The following OCA2 variants were observed in gnomAD, a reference collection of about 807,000 sequenced individuals.
OCA2 encodes OCA2 melanosomal transmembrane protein.
OCA2 carries 77 observed loss-of-function variants against 100.2 expected under a neutral mutation model. The ratio of observed to expected loss-of-function variants is 0.77; its 90% CI spans 0.64 to 0.93. OCA2 has a LOEUF of 0.93. OCA2 is among the 40% of genes least tolerant of loss of function. The probability of loss-of-function intolerance (pLI) is 0.00; values close to 1 mark genes in which losing one functional copy is unlikely to be tolerated. For synonymous variants in OCA2, 432 were observed against 439.2 expected, an observed-to-expected ratio of 0.98 and a Z score of 0.21; for missense variants, 1,062 against 1,089.1, an observed-to-expected ratio of 0.98 and a Z score of 0.35.
intron 23 of OCA2, among the ~76,000 whole-genome samples, chr15:27,831,840 G>A (rs530842736): frequency 3.3e-5 from 5 of 152,252 alleles, no homozygotes; most frequent in East Asian, 1.9e-4. Flanking sequence ...CCACCCAAGC[G>A]AATTTGATTG....
At chr15:27,788,578 C>T (rs987622614) in intron 23 of OCA2, among the ~76,000 whole-genome samples, 2 of 151,916 alleles carry the variant, frequency 1.3e-5, no homozygotes, top group African/African-American at 2.4e-5. Flanking sequence ...TCAGGCTATT[C>T]GTATTTTTAG....
At chr15:27,780,120 A>G (rs1280812060) in intron 23 of OCA2, among the ~76,000 whole-genome samples, 2 of 152,190 alleles carry the variant, frequency 1.3e-5, no homozygotes, top group Non-Finnish European at 1.5e-5. Flanking sequence ...TCTGATCCCT[A>G]CATGCTCAAT....
chr15:28,054,380 CTG>C (rs869249382), intron 2 of OCA2, among the ~76,000 whole-genome samples: 25 of 152,312 alleles, frequency 1.6e-4, no homozygotes, highest in African/African-American at 6.0e-4. Flanking sequence ...TGCTGGTCCT[CTG>C]GAGATGGCCA....
intron 2 of OCA2, among the ~76,000 whole-genome samples, chr15:28,074,514 A>C (rs2044365992): frequency 6.6e-6 from 1 of 152,124 alleles, no homozygotes; most frequent in Non-Finnish European, 1.5e-5. Flanking sequence ...CTCTACTAAA[A>C]ATACAAAAAA....
intron 23 of OCA2, among the ~76,000 whole-genome samples, chr15:27,780,740 G>T (rs766313601): frequency 3.3e-5 from 5 of 152,348 alleles, no homozygotes; most frequent in Admixed American, 6.5e-5. Flanking sequence ...TTGCTTGAAT[G>T]ACTTTAAACA....
In OCA2 at chr15:28,052,977, G is replaced by A. The variant is rs532471162; in HGVS notation, c.228-20814C>T. Among the ~76,000 whole-genome samples, 12 of 152,298 alleles carry A rather than the reference G, an allele frequency of 7.9e-5. No individual in the cohort carries two copies. The East Asian group carries it at 2.1e-3, about 27-fold the overall frequency. On this transcript the variant is annotated intron_variant, in intron 2 of 23. Coordinates refer to ENST00000354638, the MANE Select transcript of OCA2 (RefSeq NM_000275.3). ...CAGGGATGGCGATGGCAATGACTGC[G>A]CTGCCAGGTAAGGCTTCACAGAGGG... is the stretch of plus-strand genomic sequence containing the variant.
chr15:27,830,862 C>T (rs2034921582), intron 23 of OCA2, among the ~76,000 whole-genome samples: 1 of 152,198 alleles, frequency 6.6e-6, no homozygotes, highest in Admixed American at 6.5e-5. Flanking sequence ...TCAAATGGGG[C>T]TATAATTTCC....
At chr15:27,930,375 G>A (rs1315267583) in intron 18 of OCA2, among the ~76,000 whole-genome samples, 1 of 152,070 alleles carries the variant, frequency 6.6e-6, no homozygotes, top group African/African-American at 2.4e-5. Context: ...TATGCTGAAT[G>A]AAAGAAGCCA....
At chr15:27,819,723 T>C (rs911176420) in intron 23 of OCA2, among the ~76,000 whole-genome samples, 5 of 151,994 alleles carry the variant, frequency 3.3e-5, no homozygotes, top group Non-Finnish European at 7.4e-5. Flanking sequence ...TAAATGTGTG[T>C]GTGTGTATAC....
At chr15:27,885,726 T>C (rs969807867) in intron 19 of OCA2, among the ~76,000 whole-genome samples, 8 of 148,804 alleles carry the variant, frequency 5.4e-5, no homozygotes, top group African/African-American at 1.8e-4. Context: ...GCATCCCATA[T>C]TGCTTAGTCT....
At chr15:27,816,418 T>C (rs1174087020) in intron 23 of OCA2, among the ~76,000 whole-genome samples, 2 of 152,214 alleles carry the variant, frequency 1.3e-5, no homozygotes, top group Admixed American at 6.5e-5. Flanking sequence ...TTCAGATACC[T>C]GCTCTTCAGA....
At chr15:27,897,967 G>C (rs2037776640) in intron 19 of OCA2, among the ~76,000 whole-genome samples, 1 of 152,180 alleles carries the variant, frequency 6.6e-6, no homozygotes, top group Non-Finnish European at 1.5e-5. Flanking sequence ...AAGAAATCCT[G>C]CTGGATTTTG....
the OCA2 span, among the ~76,000 whole-genome samples, chr15:27,747,846 T>C: frequency 6.6e-6 from 1 of 152,210 alleles, no homozygotes; most frequent in African/African-American, 2.4e-5. Context: ...GAAAGTTCTA[T>C]TTCTGCCTGT....
intron 18 of OCA2, chr15:27,950,435 C>CCAAAAAAAAAAAAAAAAAAAAAAA: frequency 2.3e-6 from 1 of 435,372 alleles, no homozygotes; most frequent in East Asian, 6.1e-5. Flanking sequence ...TGTAATCCAC[C>CCAAAAAAAAAAAAAAAAAAAAAAA]AAATACAATT....
chr15:28,094,780 C>T (rs990449117), intron 1 of OCA2, among the ~76,000 whole-genome samples: 1 of 152,180 alleles, frequency 6.6e-6, no homozygotes, highest in African/African-American at 2.4e-5. Flanking sequence ...AGGCCCTCAA[C>T]GCCCCGCCGT....
intron 23 of OCA2, among the ~76,000 whole-genome samples, chr15:27,801,606 A>G (rs1031390626): frequency 3.3e-5 from 5 of 151,626 alleles, no homozygotes; most frequent in Admixed American, 6.6e-5. Context: ...TGATCAAGTG[A>G]AGTTTATCCA....
intron 18 of OCA2, among the ~76,000 whole-genome samples, chr15:27,928,337 G>A (rs1240506976): frequency 6.6e-6 from 1 of 152,114 alleles, no homozygotes; most frequent in Non-Finnish European, 1.5e-5. Context: ...TCAACTTTTA[G>A]CCAATCTGAA....
intron 16 of OCA2, 124 bp from the exon 17 acceptor site, chr15:27,955,339 C>A: frequency 1.3e-6 from 1 of 786,702 alleles, no homozygotes; most frequent in Non-Finnish European, 2.3e-6. Flanking sequence ...GCTGGCAGGA[C>A]TAGTCATGGG....
intron 21 of OCA2, among the ~76,000 whole-genome samples, chr15:27,859,883 A>G (rs2036070446): frequency 6.6e-6 from 1 of 152,198 alleles, no homozygotes; most frequent in African/African-American, 2.4e-5. Flanking sequence ...AGCACTCAGG[A>G]AACAAAATAT....
Sources: allele counts gnomAD v4.1 joint callset (sites outside exome capture counted in the v4.1 genomes callset), GRCh38; gene constraint gnomAD v4.1.1; transcripts MANE v1.5; gene names NCBI Gene and HGNC (gene_info 2026-07-23, HGNC 2026-07-21).